The following GRK3 variants were observed in gnomAD, a reference collection of about 807,000 sequenced individuals.
GRK3 encodes the protein adrenergic, beta, receptor kinase 2.
A neutral mutation model predicts 95.7 loss-of-function variants in GRK3; 54 were observed. The ratio of observed to expected loss-of-function variants is 0.56; its 90% CI spans 0.45 to 0.71. GRK3 has a LOEUF of 0.71. Among genes scored for constraint, GRK3 ranks in the 30% least tolerant of loss-of-function variants. The pLI is 0.00. For synonymous variants in GRK3, 281 were observed against 290.8 expected (o/e 0.97, Z 0.34); for missense variants, 649 against 851.2 (o/e 0.76, Z 2.96).
chr22:25,613,506 G>A (rs954871541), intron 2 of GRK3, among the ~76,000 whole-genome samples: 1 of 148,280 alleles, frequency 6.7e-6, no homozygotes, highest in African/African-American at 2.5e-5. Context: ...TAAGCACAGC[G>A]AATTGGATTT....
intron 9 of GRK3, among the ~76,000 whole-genome samples, chr22:25,679,627 A>G (rs2085059469): frequency 6.6e-6 from 1 of 152,222 alleles, no homozygotes. Flanking sequence ...ATGCCAGTGT[A>G]TGTGAAGACA....
intron 1 of GRK3, among the ~76,000 whole-genome samples, chr22:25,602,521 G>C (rs2084416246): frequency 6.6e-6 from 1 of 152,196 alleles, no homozygotes. Context: ...CTTATACATA[G>C]ATATTTAAAG....
At chr22:25,686,517 G>C (rs771099198) in intron 10 of GRK3, among the ~76,000 whole-genome samples, 2 of 152,178 alleles carry the variant, frequency 1.3e-5, no homozygotes, top group Non-Finnish European at 2.9e-5. Flanking sequence ...AGGAATATGT[G>C]TATGGAGAGA....
chr22:25,634,306 C>G (rs2084684613), intron 2 of GRK3, among the ~76,000 whole-genome samples: 1 of 152,128 alleles, frequency 6.6e-6, no homozygotes, highest in African/African-American at 2.4e-5. Context: ...AGAGACAATT[C>G]TAGTATGGTC....
intron 2 of GRK3, among the ~76,000 whole-genome samples, chr22:25,624,919 CT>C (rs552338056): frequency 1.3e-3 from 189 of 142,098 alleles, no homozygotes; most frequent in Middle Eastern, 7.3e-3. Context: ...TGATGAATCT[CT>C]TTTTTTTTTT....
At chr22:25,689,971 C>T (rs889248264) in intron 11 of GRK3, among the ~76,000 whole-genome samples, 8 of 152,152 alleles carry the variant, frequency 5.3e-5, no homozygotes, top group African/African-American at 1.9e-4. Context: ...GAGTAGAATC[C>T]TTCGCCTCTG....
intron 2 of GRK3, among the ~76,000 whole-genome samples, chr22:25,635,915 C>T (rs1336943519): frequency 1.3e-5 from 2 of 152,180 alleles, no homozygotes; most frequent in South Asian, 2.1e-4. Flanking sequence ...ATTAAGAAAG[C>T]GCTTTTCCTT....
intron 15 of GRK3, among the ~76,000 whole-genome samples, chr22:25,707,472 G>A (rs376835332): frequency 1.7e-4 from 26 of 152,336 alleles, no homozygotes; most frequent in African/African-American, 5.5e-4. Context: ...GCACATGGTA[G>A]GCATGGCCCC....
At position 25,709,918 on chromosome 22, in the gene GRK3, A is replaced by T; in HGVS notation, c.1349A>T (p.His450Leu). 1.9e-6 allele frequency: 3 copies of T among 1,613,968 alleles called. No individual in the cohort carries two copies. Among genetic ancestry groups the T allele is most frequent in the Non-Finnish European group, 2.5e-6 (3 of 1,179,818 alleles). ...TCCAGCTCACAGGAAGTAAAAGAGC[A>T]CAGCTTTTTCAAAGGTGTTGACTGG... ...HGGGSQEVKE[H>L]SFFKGVDWQH... is the part of the protein sequence containing the mutation. The change falls in exon 16 of 21, where the codon CAC becomes CTC. Residue 450 changes from histidine (H) to leucine (L), a missense_variant. By Grantham distance (99) the His-to-Leu change is moderately conservative (BLOSUM62 -3). Around this residue, in one of 3 missense-constraint regions of GRK3, gnomAD observed 382 missense variants for 493.8 expected, o/e 0.77. Transcript: ENST00000324198.
At position 25,690,297 on chromosome 22, in the gene GRK3, C is replaced by T. The variant is rs1202411264; in HGVS notation, c.1052+14C>T. 6.3e-7 allele frequency: 1 copy of T among 1,591,180 alleles called. No individual in the cohort carries two copies. Among genetic ancestry groups the T allele is most frequent in the Admixed American group, 1.7e-5 (1 of 59,822 alleles). ...TCATGCGAGTGTGTAAGTAGTGCGTCAACTTCAGTTCACCACCATTTCTCT... is the reference window on the plus strand; with the variant it reads ...TCATGCGAGTGTGTAAGTAGTGCGTTAACTTCAGTTCACCACCATTTCTCT... On this transcript the variant is annotated intron_variant, in intron 12 of 20. Coordinates refer to ENST00000324198, the MANE Select transcript of GRK3 (RefSeq NM_005160.4).
At chr22:25,604,250 A>C (rs1196187189) in intron 1 of GRK3, 127 bp from the exon 2 acceptor site, 1 of 603,834 alleles carries the variant, frequency 1.7e-6, no homozygotes, top group Non-Finnish European at 2.8e-6. Flanking sequence ...CATTTCACGC[A>C]GTTGTGGCAA....
chr22:25,708,846 G>A (rs936863437), intron 15 of GRK3, among the ~76,000 whole-genome samples: 1 of 149,640 alleles, frequency 6.7e-6, no homozygotes, highest in Non-Finnish European at 1.5e-5. Context: ...TATTTTAGTC[G>A]AGACAGGGTT....
At chr22:25,638,798 G>T (rs150342457) in intron 2 of GRK3, among the ~76,000 whole-genome samples, 1 of 152,142 alleles carries the variant, frequency 6.6e-6, no homozygotes, top group Non-Finnish European at 1.5e-5. Flanking sequence ...GGTATTGTCC[G>T]TCCTCCTCAG....
intron 2 of GRK3, among the ~76,000 whole-genome samples, chr22:25,605,385 T>C (rs2084437786): frequency 6.6e-6 from 1 of 152,240 alleles, no homozygotes; most frequent in Non-Finnish European, 1.5e-5. Context: ...GGCTTCTCAT[T>C]ACTTTCATGG....
At chr22:25,595,823 TAC>T (rs2084368751) in intron 1 of GRK3, among the ~76,000 whole-genome samples, 1 of 151,820 alleles carries the variant, frequency 6.6e-6, no homozygotes, top group African/African-American at 2.4e-5. Context: ...GGTGTGCACT[TAC>T]AGTTTCTGCT....
chr22:25,661,723 G>C (rs1221261685), intron 4 of GRK3, 46 bp downstream of exon 4: 1 of 1,223,378 alleles, frequency 8.2e-7, no homozygotes, highest in Non-Finnish European at 1.2e-6. Context: ...GATGAATAAG[G>C]GACCATGTTC....
At chr22:25,665,763 G>C (rs2084937591) in intron 5 of GRK3, among the ~76,000 whole-genome samples, 1 of 152,176 alleles carries the variant, frequency 6.6e-6, no homozygotes, top group African/African-American at 2.4e-5. Context: ...GTTTACAGAG[G>C]TACATTAACC....
chr22:25,568,374 G>A (rs1201552623), intron 1 of GRK3, among the ~76,000 whole-genome samples: 3 of 152,078 alleles, frequency 2.0e-5, no homozygotes, highest in Non-Finnish European at 2.9e-5. Context: ...GTTGAAGGCG[G>A]TTGAGTAATG....
intron 15 of GRK3, among the ~76,000 whole-genome samples, chr22:25,706,615 CTG>C (rs2085301834): frequency 6.6e-6 from 1 of 152,174 alleles, no homozygotes; most frequent in African/African-American, 2.4e-5. Flanking sequence ...ACTGCAAACT[CTG>C]TCTCCCAGGT....
Sources: gnomAD v4.1 joint callset for allele counts (sites outside exome capture counted in the v4.1 genomes callset) on GRCh38, gnomAD v4.1.1 for gene constraint, gnomAD v4.1.1 regional missense constraint, MANE v1.5 for transcripts, NCBI Gene and HGNC (gene_info 2026-07-23, HGNC 2026-07-21) for gene names.